The following GULP1 variants were observed in gnomAD, a reference collection of about 807,000 sequenced individuals.
GULP1 encodes PTB domain-containing engulfment adapter protein 1.
Under a neutral mutation model 40.9 loss-of-function variants are expected in GULP1, and 19 were observed. The ratio of observed to expected loss-of-function variants is 0.46; its 90% CI spans 0.32 to 0.68. GULP1 has a LOEUF of 0.68. GULP1 is among the 30% of genes least tolerant of loss of function. The probability of loss-of-function intolerance (pLI) is 0.03; values close to 1 mark genes in which losing one functional copy is unlikely to be tolerated. For missense variants in GULP1, 312 were observed against 362.2 expected, an observed-to-expected ratio of 0.86 and a Z score of 1.12; for synonymous variants, 119 against 117.6, an observed-to-expected ratio of 1.01 and a Z score of -0.08.
intron 2 of GULP1, among the ~76,000 whole-genome samples, chr2:188,411,109 C>T (rs2053814970): frequency 6.6e-6 from 1 of 151,788 alleles, no homozygotes; most frequent in Non-Finnish European, 1.5e-5. Context: ...TAAATGTGAG[C>T]TTCACTGGCT....
At chr2:188,545,945 C>T (rs1016040611) in intron 7 of GULP1, among the ~76,000 whole-genome samples, 1 of 151,672 alleles carries the variant, frequency 6.6e-6, no homozygotes, top group Non-Finnish European at 1.5e-5. Flanking sequence ...ATATTTACAT[C>T]AGATAAAGTA....
At chr2:188,392,143 T>A (rs548966275) in intron 2 of GULP1, among the ~76,000 whole-genome samples, 82 of 152,166 alleles carry the variant, frequency 5.4e-4, no homozygotes, top group African/African-American at 1.9e-3. Context: ...TTAGGGAGGA[T>A]TACCTCTTTC....
At chr2:188,531,459 T>G (rs1687515435) in intron 6 of GULP1, among the ~76,000 whole-genome samples, 1 of 152,170 alleles carries the variant, frequency 6.6e-6, no homozygotes, top group South Asian at 2.1e-4. Context: ...GCAATGGCAT[T>G]CCTTTAAACT....
chr2:188,571,156 C>CA lies in GULP1; in HGVS notation c.609+1044dup, dbSNP rs554476560. 9.9e-5 allele frequency among the ~76,000 whole-genome samples: 15 copies of CA among 151,554 alleles called. No individual in the cohort carries two copies. In the South Asian group the frequency reaches 2.7e-3, roughly 27 times the overall value. Reference sequence around the variant, plus strand: ...TGGGTGACAGAGAAAGACTCTGTTTCAAAAAAAATTAATATCTAACTTATA... The same window carrying CA: ...TGGGTGACAGAGAAAGACTCTGTTTCAAAAAAAAATTAATATCTAACTTATA... On this transcript the variant is annotated intron_variant, in intron 9 of 11. Coordinates refer to ENST00000409830, the MANE Select transcript of GULP1 (RefSeq NM_016315.4).
chr2:188,442,062 ATTC>A (rs1378967263), intron 2 of GULP1, among the ~76,000 whole-genome samples: 2 of 152,260 alleles, frequency 1.3e-5, no homozygotes, highest in African/African-American at 2.4e-5. Context: ...CAGTAAAATT[ATTC>A]TTCTAACAAT....
At chr2:188,474,005 A>C (rs927774346) in intron 2 of GULP1, among the ~76,000 whole-genome samples, 1 of 152,150 alleles carries the variant, frequency 6.6e-6, no homozygotes, top group Non-Finnish European at 1.5e-5. Context: ...GAAGGCTACT[A>C]GTACTGAGTT....
intron 1 of GULP1, among the ~76,000 whole-genome samples, chr2:188,360,795 G>A (rs541401663): frequency 2.0e-5 from 3 of 152,146 alleles, no homozygotes; most frequent in Admixed American, 1.3e-4. Flanking sequence ...CTGCCTTTTA[G>A]AAATTTTATT....
chr2:188,486,630 C>G (rs570046198), intron 4 of GULP1, among the ~76,000 whole-genome samples: 2 of 151,940 alleles, frequency 1.3e-5, no homozygotes, highest in Non-Finnish European at 2.9e-5. Flanking sequence ...ATTTATGGAA[C>G]ATTGATTTCA....
At chr2:188,534,552 G>T (rs1177274918) in intron 6 of GULP1, among the ~76,000 whole-genome samples, 3 of 152,126 alleles carry the variant, frequency 2.0e-5, no homozygotes, top group Non-Finnish European at 2.9e-5. Context: ...TAGTACCTCA[G>T]TGATGGGACT....
At chr2:188,372,730 C>A (rs35180255) in intron 1 of GULP1, among the ~76,000 whole-genome samples, 67,207 of 151,602 alleles carry the variant, frequency 0.44, 15,312 homozygotes, top group East Asian at 0.55. Flanking sequence ...CCCTTTTATT[C>A]TTCTGGAGAT....
chr2:188,438,950 C>T (rs1414397968), intron 2 of GULP1, among the ~76,000 whole-genome samples: 2 of 151,854 alleles, frequency 1.3e-5, no homozygotes, highest in Non-Finnish European at 2.9e-5. Flanking sequence ...TATCTAGTTG[C>T]ATTTAAAAGT....
At chr2:188,435,916 G>A (rs908524151) in intron 2 of GULP1, among the ~76,000 whole-genome samples, 2 of 151,998 alleles carry the variant, frequency 1.3e-5, no homozygotes, top group African/African-American at 4.8e-5. Context: ...CTTTAAAAAG[G>A]CCCAGTCCCT....
chr2:188,312,463 C>T (rs1055651857), intron 1 of GULP1, among the ~76,000 whole-genome samples: 1 of 152,130 alleles, frequency 6.6e-6, no homozygotes, highest in Non-Finnish European at 1.5e-5. Flanking sequence ...CATGTCCCTG[C>T]AAAGGACATG....
intron 2 of GULP1, among the ~76,000 whole-genome samples, chr2:188,420,100 A>C (rs930644458): frequency 3.3e-5 from 5 of 152,244 alleles, no homozygotes; most frequent in African/African-American, 9.6e-5. Flanking sequence ...TTTTGTAATT[A>C]ATACATTTTG....
intron 3 of GULP1, among the ~76,000 whole-genome samples, chr2:188,478,089 A>C (rs2061166447): frequency 6.6e-6 from 1 of 152,128 alleles, no homozygotes; most frequent in African/African-American, 2.4e-5. Context: ...GATTATGGTA[A>C]CATAAATTCA....
At chr2:188,488,427 A>G (rs1285491229) in intron 4 of GULP1, among the ~76,000 whole-genome samples, 4 of 152,064 alleles carry the variant, frequency 2.6e-5, no homozygotes, top group Non-Finnish European at 5.9e-5. Context: ...GTGAGTTAAT[A>G]TATTTTTTTA....
chr2:188,340,867 C>A (rs1406816507), intron 1 of GULP1, among the ~76,000 whole-genome samples: 2 of 152,078 alleles, frequency 1.3e-5, no homozygotes, highest in Non-Finnish European at 2.9e-5. Flanking sequence ...GAAGAACAGT[C>A]ATTTCTGGCT....
intron 1 of GULP1, among the ~76,000 whole-genome samples, chr2:188,345,049 T>G (rs1389262400): frequency 6.6e-6 from 1 of 152,202 alleles, no homozygotes. Flanking sequence ...AATATCTGCC[T>G]TCTTTAAAAC....
intron 2 of GULP1, among the ~76,000 whole-genome samples, chr2:188,437,094 C>A (rs2057477598): frequency 1.3e-5 from 2 of 152,000 alleles, no homozygotes; most frequent in Non-Finnish European, 2.9e-5. Flanking sequence ...TGAAAACTAT[C>A]AAATTATGTT....
Sources: gnomAD v4.1 joint callset for allele counts (sites outside exome capture counted in the v4.1 genomes callset) on GRCh38, gnomAD v4.1.1 for gene constraint, MANE v1.5 for transcripts, NCBI Gene and HGNC (gene_info 2026-07-23, HGNC 2026-07-21) for gene names.